Variants in FAT1 observed in about 807,000 individuals in gnomAD.
FAT1 encodes the protein protocadherin Fat 1.
In FAT1, 171 loss-of-function variants were observed where a neutral mutation model predicts 329.8. The observed-to-expected ratio is 0.52, with a 90% confidence interval of 0.46 to 0.59. FAT1 has a LOEUF of 0.59. Ranked by LOEUF, FAT1 falls within the 20% of genes least tolerant of loss-of-function variation. The probability of loss-of-function intolerance (pLI) is 0.00; values close to 1 mark genes in which losing one functional copy is unlikely to be tolerated. For missense variants in FAT1, 5,672 were observed against 5,774.4 expected (o/e 0.98, Z 0.57); for synonymous variants, 2,233 against 2,228.6 (o/e 1.00, Z -0.06).
At chr4:186,724,055 C>T (rs578055255), upstream of FAT1, among the ~76,000 whole-genome samples, 4 of 151,674 alleles carry the variant, frequency 2.6e-5, no homozygotes, top group East Asian at 3.9e-4. The surrounding 1 kb of genome is among the most constrained non-coding windows in gnomAD (Gnocchi z 5.3). Context: ...AGGCGCCCAG[C>T]GGGGTCTAGC....
At chr4:186,635,849 T>C (rs1332386087) in intron 6 of FAT1, among the ~76,000 whole-genome samples, 176 bp downstream of exon 6, 1 of 152,212 alleles carries the variant, frequency 6.6e-6, no homozygotes, top group African/African-American at 2.4e-5. Context: ...GTTTAACATA[T>C]GCTATATATT....
rs1738029096 is a variant in FAT1, at chr4:186,587,820, A to T, written c.*772T>A. The T allele has an allele frequency of 4.9e-6, 1 of 203,062 alleles. No individual in the cohort carries two copies. The highest frequency in any genetic ancestry group is 1.0e-5 in the Non-Finnish European group (1 of 98,900). 12.6% of individuals were successfully genotyped at this position (203,062 alleles called of 1,614,324 possible). A position where few individuals can be genotyped will look rare whatever the true frequency, so the allele number is the denominator to read the frequency against. ...ATTTTATTAATAATTTATTGTCAGTAAGAAAGACTGGCTAATGGTAGTTTT... is the reference window on the plus strand; with the variant it reads ...ATTTTATTAATAATTTATTGTCAGTTAGAAAGACTGGCTAATGGTAGTTTT... On this transcript the variant is annotated 3_prime_UTR_variant, in exon 27 of 27. Transcript: ENST00000441802.
At chr4:186,623,176 C>T (rs1441470899) in intron 9 of FAT1, among the ~76,000 whole-genome samples, 2 of 152,224 alleles carry the variant, frequency 1.3e-5, no homozygotes, top group Admixed American at 6.5e-5. Flanking sequence ...AGGGTGGAGG[C>T]CCAGGGTTTC....
rs1439271112 is a variant in FAT1 at position 186,606,118 on chromosome 4, A to G, written c.10302T>C (p.Asn3434=). The change falls in exon 17 of 27, where the codon AAT becomes AAC. Residue 3434 remains asparagine, a synonymous_variant. Coordinates refer to ENST00000441802, the MANE Select transcript of FAT1 (RefSeq NM_005245.4). ...TTVNIDVSDV[N]DNAPVFSRGN... ...CCCTGGAGAAGACGGGCGCGTTGTC[A>G]TTGACATCGGACACATCGATGTTCA... 6.2e-7 allele frequency: 1 copy of G among 1,613,286 alleles called. No homozygotes were observed. The highest frequency in any genetic ancestry group is 1.3e-5 in the African/African-American group (1 of 74,828).
At position 186,628,432 on chromosome 4, in the gene FAT1, G is replaced by A. The variant is rs73873666; in HGVS notation, c.4599+56C>T. 2.0e-3 allele frequency: 3,143 copies of A among 1,610,542 alleles called. 55 individuals are homozygous for A. The African/African-American group carries it at 0.036, about 18-fold the overall frequency. ...TTATAACTAATTAAAAATCACGCTCGAACACACAAAGGCCTCAGGACCAAA... is the reference window on the plus strand; with the variant it reads ...TTATAACTAATTAAAAATCACGCTCAAACACACAAAGGCCTCAGGACCAAA... On this transcript the variant is annotated intron_variant, in intron 8 of 26. Coordinates refer to ENST00000441802, the MANE Select transcript of FAT1 (RefSeq NM_005245.4).
chr4:186,611,366 TCAGATA>T lies in FAT1; in HGVS notation c.9853+14_9853+19del. 4.4e-6 allele frequency: 7 copies of T among 1,579,198 alleles called. No individual in the cohort carries two copies. The highest frequency in any genetic ancestry group is 6.0e-6 in the Non-Finnish European group (7 of 1,162,472). On this transcript the variant is annotated intron_variant, in intron 14 of 26. Coordinates refer to ENST00000441802, the MANE Select transcript of FAT1 (RefSeq NM_005245.4). ...TCTTGGTGGAATGAAGGGTTTCCTC[TCAGATA>T]CATGGTAGGTTACCTGTTTTAGAAT... is the stretch of plus-strand genomic sequence containing the variant.
chr4:186,673,601 T>C (rs1352145067), intron 2 of FAT1, among the ~76,000 whole-genome samples: 2 of 152,224 alleles, frequency 1.3e-5, no homozygotes, highest in African/African-American at 4.8e-5. Flanking sequence ...ATTGCCTATT[T>C]AAATCATTTT....
chr4:186,603,100 T>C (rs1182168655), intron 19 of FAT1, 66 bp from the exon 20 acceptor site: 9 of 1,610,638 alleles, frequency 5.6e-6, no homozygotes, highest in East Asian at 2.2e-5. Context: ...TCACCTTTCA[T>C]GTATAGCCAT....
chr4:186,712,934 C>G (rs1317774993), intron 1 of FAT1, among the ~76,000 whole-genome samples: 2 of 151,530 alleles, frequency 1.3e-5, no homozygotes, highest in African/African-American at 4.9e-5. Context: ...GGTTGAGGGA[C>G]AGCGGTAAGG....
intron 26 of FAT1, among the ~76,000 whole-genome samples, chr4:186,592,295 G>C (rs1445997727): frequency 6.6e-6 from 1 of 152,070 alleles, no homozygotes; most frequent in Non-Finnish European, 1.5e-5. Flanking sequence ...CATACTCAGG[G>C]AAAAACCAAA....
intron 1 of FAT1, 80 bp from the exon 2 acceptor site, chr4:186,709,925 TAAA>T (rs1561012840): frequency 7.7e-7 from 1 of 1,292,136 alleles, no homozygotes; most frequent in African/African-American, 1.5e-5. Context: ...AACTTCTCAT[TAAA>T]AAAATATTTT....
At chr4:186,595,220 G>A (rs918339321) in intron 26 of FAT1, among the ~76,000 whole-genome samples, 5 of 152,218 alleles carry the variant, frequency 3.3e-5, no homozygotes, top group South Asian at 2.1e-4. Flanking sequence ...TGGGGGAGGA[G>A]ACAAATAAAA....
chr4:186,621,485 T>C lies in FAT1; in HGVS notation c.5101A>G (p.Ile1701Val). ...AHSQSSVVYE[I>V]KDGNTGDAFD... The stretch of plus-strand genomic sequence containing the variant: ...GCATCACCTGTATTTCCATCTTTTA[T>C]TTCATACACCACTGATGATTGACTA... The change falls in exon 10 of 27, where the codon ATA (isoleucine) becomes GTA (valine). Residue 1701 changes from isoleucine to valine, a missense_variant. Physicochemically the swap from Ile to Val is conservative, Grantham distance 29 (BLOSUM62 3). This residue lies in a region of FAT1 where 3,966 missense variants were observed against 3,915.2 expected (regional missense o/e 1.01). Transcript: ENST00000441802. The C allele has an allele frequency of 6.2e-7, 1 of 1,614,028 alleles. No homozygotes were observed. The highest frequency in any genetic ancestry group is 8.5e-7 in the Non-Finnish European group (1 of 1,179,882).
At chr4:186,694,502 T>C (rs1193017285) in intron 2 of FAT1, among the ~76,000 whole-genome samples, 2 of 152,250 alleles carry the variant, frequency 1.3e-5, no homozygotes, top group African/African-American at 4.8e-5. Flanking sequence ...TTTACTTAGA[T>C]GTAGTTACTA....
chr4:186,621,363 G>A lies in FAT1; in HGVS notation c.5223C>T (p.Asn1741=), dbSNP rs1266180510. The change falls in exon 10 of 27, where the codon AAC becomes AAT. Residue 1741 remains asparagine, a synonymous_variant. Transcript: ENST00000441802. Reference sequence around the variant, plus strand: ...TTGTATTAGTGGACAAACCAGCCATGTTAGTTCCTTGTATTATCAATGTGT... The same window carrying A: ...TTGTATTAGTGGACAAACCAGCCATATTAGTTCCTTGTATTATCAATGTGT... ...PIYTLIIQGT[N]MAGLSTNTTV... The A allele has an allele frequency of 1.9e-6, 3 of 1,613,908 alleles. No individual in the cohort carries two copies. Among genetic ancestry groups the A allele is most frequent in the South Asian group, 1.1e-5 (1 of 91,086 alleles).
intron 1 of FAT1, among the ~76,000 whole-genome samples, chr4:186,715,255 C>A (rs1745158489): frequency 1.3e-5 from 2 of 151,950 alleles, no homozygotes; most frequent in African/African-American, 4.8e-5. Context: ...CCACAGCCCC[C>A]ACCACCACCC....
At chr4:186,697,361 G>T (rs543314022) in intron 2 of FAT1, among the ~76,000 whole-genome samples, 1 of 152,194 alleles carries the variant, frequency 6.6e-6, no homozygotes, top group African/African-American at 2.4e-5. Flanking sequence ...GGCCGGCTGC[G>T]GGACCTCAGA....
chr4:186,605,034 C>T lies in FAT1; in HGVS notation c.10351-460G>A, dbSNP rs542628014. On this transcript the variant is annotated intron_variant, in intron 17 of 26. Transcript: ENST00000441802. ...AGGAGTTCGAGACCAGCCTGGCCAA[C>T]GTGGTGAAACCCCGTCTCTACTAAA... Among the ~76,000 whole-genome samples, 114 of 151,868 alleles carry T rather than the reference C, an allele frequency of 7.5e-4. 1 individual carries two copies. Among genetic ancestry groups the T allele is most frequent in the Middle Eastern group, 3.4e-3 (1 of 294 alleles).
At chr4:186,590,828 C>T in intron 26 of FAT1, 1 of 364,736 alleles carries the variant, frequency 2.7e-6, no homozygotes, top group South Asian at 2.1e-5. Context: ...CTTTATAGCA[C>T]ACTGCAACTT....
Sources: gnomAD v4.1 joint callset for allele counts (sites outside exome capture counted in the v4.1 genomes callset) on GRCh38, gnomAD v4.1.1 for gene constraint, gnomAD v4.1.1 regional missense constraint, Gnocchi (gnomAD v3.1) non-coding constraint, MANE v1.5 for transcripts, NCBI Gene and HGNC (gene_info 2026-07-23, HGNC 2026-07-21) for gene names.